The following CFLAR variants were observed in gnomAD, a reference collection of about 807,000 sequenced individuals.
CFLAR encodes the protein CASP8 and FADD-like apoptosis regulator.
CFLAR carries 14 observed loss-of-function variants against 51.1 expected under a neutral mutation model. The ratio of observed to expected loss-of-function variants is 0.27; its 90% CI spans 0.18 to 0.43. The LOEUF (loss-of-function observed/expected upper bound fraction) is 0.43. Ranked by LOEUF, CFLAR falls within the 20% of genes least tolerant of loss-of-function variation. The pLI is 1.00. For missense variants in CFLAR, 390 were observed against 566.5 expected, an observed-to-expected ratio of 0.69 and a Z score of 3.16; for synonymous variants, 210 against 211.6, an observed-to-expected ratio of 0.99 and a Z score of 0.06.
rs1251385157 is a variant in CFLAR, at chr2:201,123,668, C to T, written c.-137-6061C>T. ...GAACTTTGGAGGGGACACATTCAAACCATAGCAGCCTCATCAAATAATTTT... is the reference window on the plus strand; with the variant it reads ...GAACTTTGGAGGGGACACATTCAAATCATAGCAGCCTCATCAAATAATTTT... On this transcript the variant is annotated intron_variant, in intron 1 of 9. Coordinates refer to ENST00000309955, the MANE Select transcript of CFLAR (RefSeq NM_003879.7). 5.9e-5 allele frequency among the ~76,000 whole-genome samples: 9 copies of T among 152,170 alleles called. 1 individual carries two copies. Among genetic ancestry groups the T allele is most frequent in the Admixed American group, 5.9e-4 (9 of 15,268 alleles).
chr2:201,122,035 G>T (rs186155328), intron 1 of CFLAR, among the ~76,000 whole-genome samples: 1 of 152,188 alleles, frequency 6.6e-6, no homozygotes. Flanking sequence ...GGTCTTCTTC[G>T]TACTACCTGA....
intron 1 of CFLAR, among the ~76,000 whole-genome samples, chr2:201,117,831 C>T (rs2047767540): frequency 1.3e-5 from 2 of 151,082 alleles, no homozygotes; most frequent in African/African-American, 4.9e-5. Flanking sequence ...TCTCTGCTCA[C>T]CGCAACCTCC....
chr2:201,176,395 T>C lies in CFLAR; in HGVS notation c.*12422T>C, dbSNP rs575677567. On this transcript the variant is annotated 3_prime_UTR_variant, in exon 10 of 10. Transcript: ENST00000309955. ...ATCACCTGATGGTTGCCCAACACTCTTGGTGTGTGTCGGGGGAGCCCTCTC... is the reference window on the plus strand; with the variant it reads ...ATCACCTGATGGTTGCCCAACACTCCTGGTGTGTGTCGGGGGAGCCCTCTC... The C allele has an allele frequency of 6.6e-6, 1 of 152,022 alleles. No homozygotes were observed. The highest frequency in any genetic ancestry group is 2.4e-5 in the African/African-American group (1 of 41,408). The allele number at this position is 152,022 out of a possible 1,614,324, so 9.4% of individuals were successfully genotyped here.
At chr2:201,126,504 G>A (rs1266579058) in intron 1 of CFLAR, among the ~76,000 whole-genome samples, 1 of 152,168 alleles carries the variant, frequency 6.6e-6, no homozygotes, top group Non-Finnish European at 1.5e-5. Flanking sequence ...CTTAGCTAAG[G>A]GAGAGTCAAT....
Position 201,166,624 on chromosome 2 carries a change from GGCGGAGGCC to G in CFLAR, c.*2653_*2661del, listed in dbSNP as rs1943608270. 1 of 179,712 alleles carries G rather than the reference GGCGGAGGCC, an allele frequency of 5.6e-6. No homozygotes were observed. The highest frequency in any genetic ancestry group is 2.4e-5 in the African/African-American group (1 of 41,728). 11.1% of individuals were successfully genotyped at this position (179,712 alleles called of 1,614,324 possible). The stretch of plus-strand genomic sequence containing the variant: ...GGGGGGCCAAGGCAGGCGGCTGGGA[GGCGGAGGCC>G]GTAGCCAGCTGAGATCACACCACTG... On this transcript the variant is annotated 3_prime_UTR_variant, in exon 10 of 10. Coordinates refer to ENST00000309955, the MANE Select transcript of CFLAR (RefSeq NM_003879.7).
At position 201,166,683 on chromosome 2, in the gene CFLAR, C is replaced by G; in HGVS notation, c.*2710C>G. On this transcript the variant is annotated 3_prime_UTR_variant, in exon 10 of 10. Transcript: ENST00000309955. ...GCACTCCAGCCTGGGCAACATTGAG[C>G]ACTGAGTGGACGAGACTCTGCCCGC... 1 of 174,706 alleles carries G rather than the reference C, an allele frequency of 5.7e-6. No individual in the cohort carries two copies. Among genetic ancestry groups the G allele is most frequent in the South Asian group, 1.3e-4 (1 of 7,962 alleles). The allele number at this position is 174,706 out of a possible 1,614,324, so 10.8% of individuals were successfully genotyped here.
rs527860875 is a variant in CFLAR, at chr2:201,166,340, C to T, written c.*2367C>T. On this transcript the variant is annotated 3_prime_UTR_variant, in exon 10 of 10. Coordinates refer to ENST00000309955, the MANE Select transcript of CFLAR (RefSeq NM_003879.7). ...CTTCTCAGACGGGGTGGCTGCTGGGCGGAGACGCTCCTCACTTCCCAGACA... is the reference window on the plus strand; with the variant it reads ...CTTCTCAGACGGGGTGGCTGCTGGGTGGAGACGCTCCTCACTTCCCAGACA... 196 of 167,812 alleles carry T rather than the reference C, an allele frequency of 1.2e-3. 1 individual carries two copies. The highest frequency in any genetic ancestry group is 4.5e-3 in the African/African-American group (186 of 41,476). The allele number at this position is 167,812 out of a possible 1,614,324, so 10.4% of individuals were successfully genotyped here.
intron 9 of CFLAR, chr2:201,162,801 T>A: frequency 1.0e-5 from 5 of 492,120 alleles, no homozygotes; most frequent in Non-Finnish European, 1.5e-5. Flanking sequence ...TAACAGTAGA[T>A]CACAAACATT....
At chr2:201,149,372 T>G (rs1328764159) in intron 7 of CFLAR, 1 of 299,288 alleles carries the variant, frequency 3.3e-6, no homozygotes, top group African/African-American at 2.2e-5. Flanking sequence ...GGTTGACACC[T>G]CTTTGTAAGC....
chr2:201,163,512 G>A, intron 9 of CFLAR: 1 of 1,140,772 alleles, frequency 8.8e-7, no homozygotes, highest in South Asian at 2.5e-5. Context: ...GAGCCACTCA[G>A]CCTTCCAAGA....
intron 1 of CFLAR, among the ~76,000 whole-genome samples, chr2:201,126,470 C>G (rs2048726244): frequency 6.6e-6 from 1 of 152,148 alleles, no homozygotes; most frequent in Non-Finnish European, 1.5e-5. Context: ...AGTGAAACAG[C>G]CAAGATGGAG....
At position 201,165,256 on chromosome 2, in the gene CFLAR, A is replaced by C. The variant is rs1176780320; in HGVS notation, c.*1283A>C. ...ATTAGAGTTGCTTATTATTATTATT[A>C]TTATTATTATTATTATTATTATTAT... On this transcript the variant is annotated 3_prime_UTR_variant, in exon 10 of 10. Coordinates refer to ENST00000309955, the MANE Select transcript of CFLAR (RefSeq NM_003879.7). 260 of 85,558 alleles carry C rather than the reference A, an allele frequency of 3.0e-3. 2 individuals carry two copies. Among genetic ancestry groups the C allele is most frequent in the African/African-American group, 7.8e-3 (254 of 32,590 alleles). 5.3% of individuals were successfully genotyped at this position (85,558 alleles called of 1,614,324 possible).
chr2:201,172,530 A>C lies in CFLAR; in HGVS notation c.*8557A>C, dbSNP rs1944081814. 6.6e-6 allele frequency: 1 copy of C among 152,212 alleles called. No individual in the cohort carries two copies. Among genetic ancestry groups the C allele is most frequent in the African/African-American group, 2.4e-5 (1 of 41,448 alleles). 9.4% of individuals were successfully genotyped at this position (152,212 alleles called of 1,614,324 possible). A position where few individuals can be genotyped will look rare whatever the true frequency, so the allele number is the denominator to read the frequency against. On this transcript the variant is annotated 3_prime_UTR_variant, in exon 10 of 10. Coordinates refer to ENST00000309955, the MANE Select transcript of CFLAR (RefSeq NM_003879.7). Reference sequence around the variant, plus strand: ...CACTATCTAATTCCAGAACATTTCCATCTACCTAGAAACTCCATACCAGTG... The same window carrying C: ...CACTATCTAATTCCAGAACATTTCCCTCTACCTAGAAACTCCATACCAGTG...
chr2:201,145,041 TG>T (rs1225347736), intron 5 of CFLAR, among the ~76,000 whole-genome samples: 15 of 152,002 alleles, frequency 9.9e-5, no homozygotes, highest in African/African-American at 2.7e-4. Context: ...TTAGTAGAGA[TG>T]GGGTTTTACC....
In CFLAR at chr2:201,124,419, C is replaced by T. The variant is rs1480559276; in HGVS notation, c.-137-5310C>T. Among the ~76,000 whole-genome samples, 3 of 152,148 alleles carry T rather than the reference C, an allele frequency of 2.0e-5. No homozygotes were observed. The highest frequency in any genetic ancestry group is 4.4e-5 in the Non-Finnish European group (3 of 68,020). ...CGCAATCTTAGCTCACTGGCAACCT[C>T]CACCTCCCAGGCTCAAGAGACTTTT... On this transcript the variant is annotated intron_variant, in intron 1 of 9. Coordinates refer to ENST00000309955, the MANE Select transcript of CFLAR (RefSeq NM_003879.7). The surrounding 1 kb of genome is among the most constrained non-coding windows in gnomAD (Gnocchi z 4.7).
At chr2:201,134,300 T>C (rs2049791279) in intron 3 of CFLAR, among the ~76,000 whole-genome samples, 1 of 150,872 alleles carries the variant, frequency 6.6e-6, no homozygotes, top group African/African-American at 2.4e-5. Context: ...GGAGCAAGAC[T>C]CTGTCTCAAA....
At chr2:201,120,230 G>T (rs1429473381) in intron 1 of CFLAR, among the ~76,000 whole-genome samples, 1 of 150,734 alleles carries the variant, frequency 6.6e-6, no homozygotes, top group Non-Finnish European at 1.5e-5. Flanking sequence ...CTGTCACCCA[G>T]GCTGGAGTGC....
Position 201,124,868 on chromosome 2 carries a change from T to G in CFLAR, c.-137-4861T>G, listed in dbSNP as rs2048533672. On this transcript the variant is annotated intron_variant, in intron 1 of 9. Coordinates refer to ENST00000309955, the MANE Select transcript of CFLAR (RefSeq NM_003879.7). The surrounding 1 kb of genome is among the most constrained non-coding windows in gnomAD (Gnocchi z 4.7). ...TGAGCTCAGCCAAGGGAGAAGAGTT[T>G]CAAGGAGGGATGAATTAGCAGTGTC... Among the ~76,000 whole-genome samples, 1 of 151,998 alleles carries G rather than the reference T, an allele frequency of 6.6e-6. No homozygotes were observed. The highest frequency in any genetic ancestry group is 1.5e-5 in the Non-Finnish European group (1 of 68,006).
chr2:201,139,106 C>G, intron 4 of CFLAR: 1 of 376,652 alleles, frequency 2.7e-6, no homozygotes, highest in Non-Finnish European at 5.1e-6. Flanking sequence ...TCTTCTGCCT[C>G]GAGATGCTGT....
Sources: allele counts gnomAD v4.1 joint callset (sites outside exome capture counted in the v4.1 genomes callset), GRCh38; gene constraint gnomAD v4.1.1; non-coding constraint Gnocchi (gnomAD v3.1); transcripts MANE v1.5; gene names NCBI Gene and HGNC (gene_info 2026-07-23, HGNC 2026-07-21).